Variants in EIF4G3 observed in about 807,000 individuals in gnomAD.
The protein encoded by EIF4G3 is eukaryotic translation initiation factor 4 gamma 3.
Under a neutral mutation model 186.4 loss-of-function variants are expected in EIF4G3, and 34 were observed. The ratio of observed to expected loss-of-function variants is 0.18; its 90% CI spans 0.14 to 0.24. The LOEUF is 0.24. Among genes scored for constraint, EIF4G3 ranks in the 10% least tolerant of loss-of-function variants. EIF4G3 has a pLI of 1.00. For missense variants in EIF4G3, 1,536 were observed against 1,948.5 expected (o/e 0.79, Z 3.99); for synonymous variants, 673 against 679.5 (o/e 0.99, Z 0.15).
At chr1:20,949,517 A>G (rs1408251184) in intron 13 of EIF4G3, among the ~76,000 whole-genome samples, 2 of 152,192 alleles carry the variant, frequency 1.3e-5, no homozygotes, top group Admixed American at 6.5e-5. Flanking sequence ...CTCAATCAAG[A>G]CCAAATAACT....
intron 3 of EIF4G3, among the ~76,000 whole-genome samples, chr1:21,077,659 T>C (rs1468643188): frequency 2.6e-5 from 4 of 150,968 alleles, no homozygotes; most frequent in Non-Finnish European, 1.5e-5. Flanking sequence ...GGTGGGCAGA[T>C]CACCTGAGGT....
At position 20,903,605 on chromosome 1, in the gene EIF4G3, T is replaced by C. The variant is rs112367793; in HGVS notation, c.1752+1278A>G. 1.5e-3 allele frequency among the ~76,000 whole-genome samples: 235 copies of C among 152,284 alleles called. 1 individual carries two copies. The highest frequency in any genetic ancestry group is 5.4e-3 in the African/African-American group (225 of 41,556). On this transcript the variant is annotated intron_variant, in intron 15 of 36. Coordinates refer to ENST00000602326, the MANE Select transcript of EIF4G3 (RefSeq NM_001391906.1). ...GACTATTTGCACCTCTATACCTTAC[T>C]GCCAAGTTTTACACCCTAATAACCA...
intron 3 of EIF4G3, among the ~76,000 whole-genome samples, chr1:21,086,741 A>C (rs1278887233): frequency 6.6e-6 from 1 of 151,978 alleles, no homozygotes; most frequent in Non-Finnish European, 1.5e-5. Flanking sequence ...GGAGTTCGAG[A>C]CCAGCCTGGC....
chr1:20,996,026 A>C (rs1383393745), intron 7 of EIF4G3, among the ~76,000 whole-genome samples: 1 of 152,208 alleles, frequency 6.6e-6, no homozygotes, highest in Non-Finnish European at 1.5e-5. Context: ...CTGGATTAAA[A>C]TTTAAGCCAT....
intron 2 of EIF4G3, among the ~76,000 whole-genome samples, chr1:21,140,363 G>T (rs1376124057): frequency 6.6e-6 from 1 of 152,106 alleles, no homozygotes; most frequent in East Asian, 1.9e-4. Context: ...GCCCAGGCTG[G>T]AGTGCAGTAG....
rs573464519 is a variant in EIF4G3, at chr1:20,887,639, T to C, written c.2254-1268A>G. 1.3e-4 allele frequency among the ~76,000 whole-genome samples: 17 copies of C among 127,682 alleles called. No individual in the cohort carries two copies. The South Asian group carries it at 3.5e-3, about 26-fold the overall frequency. The allele number at this position is 127,682 out of a possible 152,430, so 83.8% of individuals were successfully genotyped here. On this transcript the variant is annotated intron_variant, in intron 18 of 36. Coordinates refer to ENST00000602326, the MANE Select transcript of EIF4G3 (RefSeq NM_001391906.1). ...ACAGTACTGATGATATCACAGATTATTTGATAAACATTAAAAAAAAAAAAC... is the reference window on the plus strand; with the variant it reads ...ACAGTACTGATGATATCACAGATTACTTGATAAACATTAAAAAAAAAAAAC...
intron 3 of EIF4G3, among the ~76,000 whole-genome samples, chr1:21,056,911 A>G (rs2094584923): frequency 6.6e-6 from 1 of 152,212 alleles, no homozygotes. Flanking sequence ...AAATACATCA[A>G]CCATTTCTTG....
At chr1:20,982,530 A>G in intron 7 of EIF4G3, 122 bp from the exon 8 acceptor site, 1 of 592,916 alleles carries the variant, frequency 1.7e-6, no homozygotes, top group Non-Finnish European at 2.8e-6. Flanking sequence ...TCTATTTAGT[A>G]ATAATAGGAG....
chr1:21,050,321 C>G (rs185011174), intron 4 of EIF4G3, among the ~76,000 whole-genome samples: 1 of 152,202 alleles, frequency 6.6e-6, no homozygotes, highest in South Asian at 2.1e-4. Flanking sequence ...AGTGTCTGAA[C>G]GTCTGTTGTT....
intron 14 of EIF4G3, among the ~76,000 whole-genome samples, chr1:20,926,788 A>C (rs528137747): frequency 6.6e-5 from 10 of 152,138 alleles, no homozygotes; most frequent in Non-Finnish European, 1.5e-4. Context: ...AAAACCCAAC[A>C]AAAACAACAC....
intron 11 of EIF4G3, among the ~76,000 whole-genome samples, chr1:20,970,473 C>T (rs368190806): frequency 1.4e-4 from 21 of 151,582 alleles, no homozygotes; most frequent in East Asian, 9.8e-4. Context: ...ATTAGCTGGG[C>T]GTGGTAGCAC....
intron 2 of EIF4G3, among the ~76,000 whole-genome samples, chr1:21,147,620 C>T (rs531585842): frequency 3.2e-4 from 49 of 151,946 alleles, no homozygotes; most frequent in Non-Finnish European, 6.2e-4. Context: ...TGTGAGCCAC[C>T]GCACCCAACC....
At chr1:21,154,523 G>A (rs188213149) in intron 2 of EIF4G3, among the ~76,000 whole-genome samples, 59 of 152,266 alleles carry the variant, frequency 3.9e-4, no homozygotes, top group Admixed American at 3.1e-3. Flanking sequence ...GAATCCTTCT[G>A]TCATAAGTAG....
intron 16 of EIF4G3, among the ~76,000 whole-genome samples, chr1:20,898,318 T>TCC (rs2089093693): frequency 6.6e-6 from 1 of 151,996 alleles, no homozygotes; most frequent in Non-Finnish European, 1.5e-5. Flanking sequence ...AGTGAGACCC[T>TCC]CCCTCTGTAA....
chr1:20,992,703 A>G (rs1193778411), intron 7 of EIF4G3, among the ~76,000 whole-genome samples: 1 of 152,220 alleles, frequency 6.6e-6, no homozygotes, highest in Admixed American at 6.5e-5. Flanking sequence ...TCCTATGAAC[A>G]CTTTAAAATA....
At chr1:21,088,948 C>T (rs1209932951) in intron 3 of EIF4G3, among the ~76,000 whole-genome samples, 190 bp downstream of exon 3, 1 of 152,140 alleles carries the variant, frequency 6.6e-6, no homozygotes, top group South Asian at 2.1e-4. Flanking sequence ...TCTATCTTAA[C>T]ACAGTATTTG....
At chr1:21,143,791 A>T (rs1161853204) in intron 2 of EIF4G3, among the ~76,000 whole-genome samples, 1 of 152,152 alleles carries the variant, frequency 6.6e-6, no homozygotes, top group Non-Finnish European at 1.5e-5. Flanking sequence ...GTGTGGTGGC[A>T]TGTGCCTGTA....
chr1:20,969,382 G>T (rs2075366998), intron 12 of EIF4G3, 92 bp downstream of exon 12: 1 of 1,446,396 alleles, frequency 6.9e-7, no homozygotes, highest in African/African-American at 1.4e-5. Flanking sequence ...TGATGGAAAT[G>T]AAAAGTACAG....
chr1:20,997,760 A>C, intron 6 of EIF4G3, 127 bp from the exon 7 acceptor site: 2 of 683,978 alleles, frequency 2.9e-6, no homozygotes, highest in Non-Finnish European at 4.9e-6. Context: ...ATAAAAAACA[A>C]CACACAAAAC....
Sources: gnomAD v4.1 joint callset for allele counts (sites outside exome capture counted in the v4.1 genomes callset) on GRCh38, gnomAD v4.1.1 for gene constraint, MANE v1.5 for transcripts, NCBI Gene and HGNC (gene_info 2026-07-23, HGNC 2026-07-21) for gene names.